Variants in PARVA observed in about 807,000 individuals in gnomAD.
PARVA encodes parvin alpha.
In PARVA, 25 loss-of-function variants were observed where a neutral mutation model predicts 52.6. That is an observed-to-expected ratio of 0.48 (90% CI 0.35 to 0.66). PARVA has a LOEUF of 0.66. Among genes scored for constraint, PARVA ranks in the 30% least tolerant of loss-of-function variants. The probability of loss-of-function intolerance (pLI) is 0.01; values close to 1 mark genes in which losing one functional copy is unlikely to be tolerated. For synonymous variants in PARVA, 185 were observed against 179.1 expected (o/e 1.03, Z -0.26); for missense variants, 373 against 450.9 (o/e 0.83, Z 1.56).
At chr11:12,444,930 G>C (rs1369754599) in intron 1 of PARVA, among the ~76,000 whole-genome samples, 2 of 152,216 alleles carry the variant, frequency 1.3e-5, no homozygotes, top group Non-Finnish European at 2.9e-5. Flanking sequence ...CAATTCTGCT[G>C]TCCATAGGTG....
chr11:12,396,080 T>A (rs1044174115), intron 1 of PARVA, among the ~76,000 whole-genome samples: 1 of 152,156 alleles, frequency 6.6e-6, no homozygotes, highest in Non-Finnish European at 1.5e-5. Flanking sequence ...TCACATTTAA[T>A]CCTTACAGGA....
intron 1 of PARVA, among the ~76,000 whole-genome samples, chr11:12,394,743 C>G (rs577847410): frequency 7.8e-4 from 119 of 152,284 alleles, no homozygotes; most frequent in Non-Finnish European, 1.5e-3. Context: ...TGTGTATACC[C>G]AGATCCGAGC....
intron 4 of PARVA, among the ~76,000 whole-genome samples, chr11:12,488,475 G>C (rs1460610580): frequency 1.3e-5 from 2 of 152,150 alleles, no homozygotes; most frequent in Non-Finnish European, 2.9e-5. Context: ...CATTCCTAAT[G>C]GCCTATAGCC....
At chr11:12,379,572 CT>C (rs150808705) in intron 1 of PARVA, among the ~76,000 whole-genome samples, 4,553 of 152,252 alleles carry the variant, frequency 0.03, 80 homozygotes, top group African/African-American at 0.05. Context: ...CTCTTCCCCC[CT>C]AAAAAATGTT....
intron 5 of PARVA, among the ~76,000 whole-genome samples, chr11:12,501,675 T>G (rs1472206560): frequency 6.6e-6 from 1 of 152,234 alleles, no homozygotes; most frequent in Non-Finnish European, 1.5e-5. Context: ...TTTCCAGGGT[T>G]TTAAAACATC....
intron 4 of PARVA, chr11:12,479,708 T>G (rs1201180853): frequency 6.6e-6 from 1 of 152,258 alleles, no homozygotes; most frequent in Admixed American, 6.5e-5. Context: ...TGCACATATG[T>G]GCATATATGT....
At chr11:12,467,930 G>A (rs1237550941) in intron 1 of PARVA, among the ~76,000 whole-genome samples, 1 of 152,114 alleles carries the variant, frequency 6.6e-6, no homozygotes, top group Non-Finnish European at 1.5e-5. Flanking sequence ...CCCTTCCCCT[G>A]TGCACATTTA....
chr11:12,386,774 G>A (rs549097031), intron 1 of PARVA, among the ~76,000 whole-genome samples: 1 of 152,270 alleles, frequency 6.6e-6, no homozygotes, highest in Non-Finnish European at 1.5e-5. Context: ...TGCTGCACTG[G>A]TATTCTATGA....
chr11:12,460,256 TGA>T (rs1477773510), intron 1 of PARVA, among the ~76,000 whole-genome samples: 1 of 152,152 alleles, frequency 6.6e-6, no homozygotes, highest in Non-Finnish European at 1.5e-5. Context: ...GTTAAGGATG[TGA>T]GAGCTCTGCA....
intron 1 of PARVA, among the ~76,000 whole-genome samples, chr11:12,398,036 C>T (rs1939775327): frequency 6.6e-6 from 1 of 152,106 alleles, no homozygotes; most frequent in South Asian, 2.1e-4. Context: ...CTGGGCCCTG[C>T]CAGTGTCCTT....
intron 1 of PARVA, among the ~76,000 whole-genome samples, chr11:12,446,895 A>G (rs1180374648): frequency 1.3e-5 from 2 of 152,356 alleles, no homozygotes; most frequent in Non-Finnish European, 2.9e-5. Context: ...GAACATGGCT[A>G]TGACTCCTAT....
chr11:12,381,954 G>T (rs775576585), intron 1 of PARVA, among the ~76,000 whole-genome samples: 1 of 151,956 alleles, frequency 6.6e-6, no homozygotes, highest in Non-Finnish European at 1.5e-5. Flanking sequence ...GTTAGTCAAG[G>T]TTTATGGTAT....
In PARVA at chr11:12,420,039, C is replaced by T. The variant is rs373230762; in HGVS notation, c.136+42256C>T. 5.3e-5 allele frequency among the ~76,000 whole-genome samples: 8 copies of T among 152,184 alleles called. No individual in the cohort carries two copies. The East Asian group carries it at 7.7e-4, about 15-fold the overall frequency. ...TTATAAGTTCTGTTCAGTAATGTTC[C>T]GAATACATACGTAGCTAGTTCTCAA... On this transcript the variant is annotated intron_variant, in intron 1 of 12. Coordinates refer to ENST00000334956, the MANE Select transcript of PARVA (RefSeq NM_018222.5).
In PARVA at chr11:12,530,925, A is replaced by G. The variant is rs1419624469; in HGVS notation, c.*3000A>G. The G allele has an allele frequency of 6.6e-6, 1 of 152,188 alleles. No individual in the cohort carries two copies. Among genetic ancestry groups the G allele is most frequent in the Non-Finnish European group, 1.5e-5 (1 of 68,038 alleles). The allele number at this position is 152,188 out of a possible 1,614,324, so 9.4% of individuals were successfully genotyped here. A position where few individuals can be genotyped will look rare whatever the true frequency, so the allele number is the denominator to read the frequency against. On this transcript the variant is annotated 3_prime_UTR_variant, in exon 13 of 13. Coordinates refer to ENST00000334956, the MANE Select transcript of PARVA (RefSeq NM_018222.5). ...ATTTCAAAAGTAGAGTCTAAAACCT[A>G]TGGGGTGCAGGACCAGAGGCTGGGG...
At chr11:12,425,264 T>G (rs557094859) in intron 1 of PARVA, among the ~76,000 whole-genome samples, 4 of 152,334 alleles carry the variant, frequency 2.6e-5, no homozygotes, top group Admixed American at 2.6e-4. Context: ...CAAGCACTGC[T>G]GAATGTAAAC....
intron 1 of PARVA, among the ~76,000 whole-genome samples, chr11:12,380,270 AAG>A (rs1939465720): frequency 7.1e-6 from 1 of 141,430 alleles, no homozygotes; most frequent in Non-Finnish European, 1.5e-5. Context: ...TAAGGGAACT[AAG>A]AAGGGATGCT....
At chr11:12,403,372 G>T (rs998166546) in intron 1 of PARVA, among the ~76,000 whole-genome samples, 12 of 152,234 alleles carry the variant, frequency 7.9e-5, no homozygotes, top group African/African-American at 2.9e-4. Context: ...GGTGATGGAA[G>T]CCTACACAAC....
At chr11:12,452,096 C>T (rs147741571) in intron 1 of PARVA, among the ~76,000 whole-genome samples, 136 of 152,008 alleles carry the variant, frequency 8.9e-4, no homozygotes, top group South Asian at 4.2e-3. Context: ...GAACTGGTCC[C>T]GGCACCTGAG....
chr11:12,426,348 C>T (rs1182701755), intron 1 of PARVA, among the ~76,000 whole-genome samples: 1 of 152,034 alleles, frequency 6.6e-6, no homozygotes, highest in African/African-American at 2.4e-5. Context: ...GCTTAGTAGG[C>T]CTGAAAGGCA....
Sources: allele counts gnomAD v4.1 joint callset (sites outside exome capture counted in the v4.1 genomes callset), GRCh38; gene constraint gnomAD v4.1.1; transcripts MANE v1.5; gene names NCBI Gene and HGNC (gene_info 2026-07-23, HGNC 2026-07-21).